CACNA2D1: variants seen among roughly 807,000 people sequenced by gnomAD.
CACNA2D1 encodes the protein calcium voltage-gated channel auxiliary subunit alpha2delta 1.
Under a neutral mutation model 171.5 loss-of-function variants are expected in CACNA2D1, and 53 were observed. That is an observed-to-expected ratio of 0.31 (90% CI 0.25 to 0.39). The LOEUF (loss-of-function observed/expected upper bound fraction) is 0.39. Ranked by LOEUF, CACNA2D1 falls within the 10% of genes least tolerant of loss-of-function variation. The probability of loss-of-function intolerance (pLI) is 1.00; values close to 1 mark genes in which losing one functional copy is unlikely to be tolerated. For synonymous variants in CACNA2D1, 442 were observed against 443.1 expected, an observed-to-expected ratio of 1.00 and a Z score of 0.03; for missense variants, 903 against 1,299.8, an observed-to-expected ratio of 0.69 and a Z score of 4.69.
intron 2 of CACNA2D1, among the ~76,000 whole-genome samples, chr7:82,348,578 C>T (rs1189687628): frequency 6.6e-6 from 1 of 151,676 alleles, no homozygotes; most frequent in Non-Finnish European, 1.5e-5. Context: ...TAGGTTTGTT[C>T]AACACTCTCT....
Position 81,948,538 on chromosome 7 carries a change from C to G in CACNA2D1, c.*1854G>C, listed in dbSNP as rs1361817098. The G allele has an allele frequency of 6.6e-6, 1 of 151,484 alleles. No individual in the cohort carries two copies. The highest frequency in any genetic ancestry group is 1.5e-5 in the Non-Finnish European group (1 of 67,740). 9.4% of individuals were successfully genotyped at this position (151,484 alleles called of 1,614,324 possible). ...GGTGGGAGGGAATTACAAATGTATGCAAAGCTAAAAACAAAACAAATGTTA... is the reference window on the plus strand; with the variant it reads ...GGTGGGAGGGAATTACAAATGTATGGAAAGCTAAAAACAAAACAAATGTTA... On this transcript the variant is annotated 3_prime_UTR_variant, in exon 39 of 39. Transcript: ENST00000356860.
In CACNA2D1 at chr7:81,950,371, G is replaced by T; in HGVS notation, c.*21C>A. 6.2e-7 allele frequency: 1 copy of T among 1,612,990 alleles called. No individual in the cohort carries two copies. The highest frequency in any genetic ancestry group is 8.5e-7 in the Non-Finnish European group (1 of 1,179,312). On this transcript the variant is annotated 3_prime_UTR_variant, in exon 39 of 39. Transcript: ENST00000356860. ...TTGGCAGGGTCTGGAGTTTAACTAT[G>T]CAGATTTGGTTTTTAGAAGGTCATA...
chr7:82,379,580 T>A (rs745423091), intron 1 of CACNA2D1, among the ~76,000 whole-genome samples: 3 of 152,188 alleles, frequency 2.0e-5, no homozygotes, highest in Non-Finnish European at 4.4e-5. Context: ...TCTATACTTG[T>A]TGTCCTGGGA....
At chr7:82,275,739 C>T (rs1809235943) in intron 3 of CACNA2D1, among the ~76,000 whole-genome samples, 1 of 152,078 alleles carries the variant, frequency 6.6e-6, no homozygotes, top group Admixed American at 6.6e-5. Flanking sequence ...AAACATTTAT[C>T]TTATAAGCAA....
intron 3 of CACNA2D1, among the ~76,000 whole-genome samples, chr7:82,330,945 G>C (rs980727571): frequency 3.3e-5 from 5 of 151,966 alleles, no homozygotes; most frequent in Non-Finnish European, 7.4e-5. Context: ...TTTGTACCAG[G>C]AGCATAAGCA....
chr7:82,039,441 T>G (rs1379747881), intron 10 of CACNA2D1, among the ~76,000 whole-genome samples: 2 of 152,194 alleles, frequency 1.3e-5, no homozygotes, highest in African/African-American at 4.8e-5. Context: ...AACAGTTATA[T>G]AGTGTCTACT....
Position 82,443,500 on chromosome 7 carries a change from G to C in CACNA2D1, c.-41C>G, listed in dbSNP as rs1229531394. 1.3e-6 allele frequency: 2 copies of C among 1,597,100 alleles called. No homozygotes were observed. Among genetic ancestry groups the C allele is most frequent in the Non-Finnish European group, 1.7e-6 (2 of 1,172,104 alleles). On this transcript the variant is annotated 5_prime_UTR_variant, in exon 1 of 39. Coordinates refer to ENST00000356860, the MANE Select transcript of CACNA2D1 (RefSeq NM_000722.4). ...TCAATGCCCCCTCCCTGCCCAAGCG[G>C]GGGAAGGAGCGGCGCTGGAAACCGC...
intron 24 of CACNA2D1, among the ~76,000 whole-genome samples, chr7:81,979,518 G>A (rs1028458380): frequency 5.3e-5 from 8 of 152,164 alleles, no homozygotes; most frequent in Non-Finnish European, 7.4e-5. Context: ...ATAACTGGGA[G>A]AGACAAGGGA....
At chr7:82,337,062 A>G (rs1253752614) in intron 2 of CACNA2D1, among the ~76,000 whole-genome samples, 6 of 152,204 alleles carry the variant, frequency 3.9e-5, no homozygotes, top group African/African-American at 1.2e-4. Flanking sequence ...ATAAATCAGC[A>G]GAAACTATTT....
intron 2 of CACNA2D1, among the ~76,000 whole-genome samples, chr7:82,337,263 C>A (rs1818107307): frequency 6.6e-6 from 1 of 152,030 alleles, no homozygotes; most frequent in Non-Finnish European, 1.5e-5. Flanking sequence ...TATAAAACCA[C>A]AATTGAATTG....
At chr7:82,421,342 C>T (rs1828696992) in intron 1 of CACNA2D1, among the ~76,000 whole-genome samples, 1 of 152,228 alleles carries the variant, frequency 6.6e-6, no homozygotes, top group East Asian at 1.9e-4. Context: ...AACAGAACTA[C>T]GAAATAATTA....
chr7:82,337,417 A>G (rs1327071091), intron 2 of CACNA2D1, among the ~76,000 whole-genome samples: 1 of 152,140 alleles, frequency 6.6e-6, no homozygotes, highest in Non-Finnish European at 1.5e-5. Flanking sequence ...TTAGTAAATA[A>G]TTTTCAGAAT....
chr7:81,953,310 T>C (rs563093775), intron 38 of CACNA2D1, among the ~76,000 whole-genome samples: 14 of 152,234 alleles, frequency 9.2e-5, no homozygotes, highest in African/African-American at 2.4e-4. Flanking sequence ...TTTCTCATCA[T>C]TCTCAGAGCA....
intron 3 of CACNA2D1, among the ~76,000 whole-genome samples, chr7:82,311,031 T>A (rs1348691989): frequency 6.6e-6 from 1 of 152,152 alleles, no homozygotes. Flanking sequence ...AGAAATGATG[T>A]TTAATCTTCT....
intron 4 of CACNA2D1, among the ~76,000 whole-genome samples, chr7:82,145,916 T>C (rs1045286318): frequency 2.6e-5 from 4 of 151,986 alleles, no homozygotes; most frequent in African/African-American, 9.7e-5. Context: ...GAAAATAATT[T>C]TGGCCTTTTG....
intron 3 of CACNA2D1, among the ~76,000 whole-genome samples, chr7:82,206,002 T>A (rs1799970054): frequency 6.6e-6 from 1 of 152,122 alleles, no homozygotes; most frequent in Non-Finnish European, 1.5e-5. Context: ...AAGAATGTGC[T>A]TTTATCTGGA....
At chr7:82,343,437 T>C (rs1470946722) in intron 2 of CACNA2D1, among the ~76,000 whole-genome samples, 3 of 152,178 alleles carry the variant, frequency 2.0e-5, no homozygotes, top group African/African-American at 4.8e-5. Context: ...ATGTTATACA[T>C]AGAACAGGTG....
At chr7:82,204,778 C>G (rs1280092212) in intron 3 of CACNA2D1, among the ~76,000 whole-genome samples, 1 of 152,096 alleles carries the variant, frequency 6.6e-6, no homozygotes, top group African/African-American at 2.4e-5. Context: ...GCCTCTGTGT[C>G]AGACCTGTGT....
intron 1 of CACNA2D1, among the ~76,000 whole-genome samples, chr7:82,363,173 CAT>C (rs1456114826): frequency 6.7e-6 from 1 of 148,948 alleles, no homozygotes; most frequent in African/African-American, 2.5e-5. Flanking sequence ...CAAAAGAACA[CAT>C]AAAATAGTCT....
Sources: allele counts gnomAD v4.1 joint callset (sites outside exome capture counted in the v4.1 genomes callset), GRCh38; gene constraint gnomAD v4.1.1; transcripts MANE v1.5; gene names NCBI Gene and HGNC (gene_info 2026-07-23, HGNC 2026-07-21).